Variants in RERG observed in about 807,000 individuals in gnomAD.
RERG encodes the protein ras-related and estrogen-regulated growth inhibitor.
Under a neutral mutation model 23.2 loss-of-function variants are expected in RERG, and 25 were observed. That is an observed-to-expected ratio of 1.08 (90% CI 0.79 to 1.50). The LOEUF is 1.50. RERG is among the 40% of genes most tolerant of loss of function. RERG has a pLI of 0.00. For missense variants in RERG, 253 were observed against 250.1 expected (o/e 1.01, Z -0.08); for synonymous variants, 81 against 89.1 (o/e 0.91, Z 0.51).
intron 2 of RERG, among the ~76,000 whole-genome samples, chr12:15,141,916 A>C (rs1462519099): frequency 6.6e-6 from 1 of 152,196 alleles, no homozygotes; most frequent in Non-Finnish European, 1.5e-5. Context: ...ATATTTCAGC[A>C]TTTTAAAGTG....
intron 2 of RERG, among the ~76,000 whole-genome samples, chr12:15,203,368 T>C (rs987124908): frequency 6.6e-6 from 1 of 151,638 alleles, no homozygotes; most frequent in Non-Finnish European, 1.5e-5. Flanking sequence ...GTGCTTCTGG[T>C]GGCAAATTCA....
intron 2 of RERG, among the ~76,000 whole-genome samples, chr12:15,205,016 TATC>T (rs1305835083): frequency 6.6e-6 from 1 of 152,074 alleles, no homozygotes; most frequent in Non-Finnish European, 1.5e-5. Context: ...TCATGTAAGA[TATC>T]ATCATTGAGG....
At position 15,107,827 on chromosome 12, in the gene RERG, TAA is replaced by T. The variant is rs1215353486; in HGVS notation, c.*1281_*1282del. On this transcript the variant is annotated 3_prime_UTR_variant, in exon 5 of 5. Coordinates refer to ENST00000256953, the MANE Select transcript of RERG (RefSeq NM_032918.3). The stretch of plus-strand genomic sequence containing the variant: ...TGCTTTTTATTATAGTCACATAAAA[TAA>T]AGTCAGTTACATCAAGTTGTCCAAA... The T allele has an allele frequency of 2.5e-4, 38 of 152,676 alleles. No individual in the cohort carries two copies. Among genetic ancestry groups the T allele is most frequent in the African/African-American group, 9.1e-4 (38 of 41,578 alleles). The allele number at this position is 152,676 out of a possible 1,614,324, so 9.5% of individuals were successfully genotyped here. A position where few individuals can be genotyped will look rare whatever the true frequency, so the allele number is the denominator to read the frequency against.
intron 2 of RERG, among the ~76,000 whole-genome samples, chr12:15,190,854 C>A (rs991894180): frequency 2.6e-5 from 4 of 152,082 alleles, no homozygotes; most frequent in Admixed American, 2.6e-4. Flanking sequence ...TCTTGCCAGG[C>A]GACATTCAAG....
intron 2 of RERG, among the ~76,000 whole-genome samples, chr12:15,211,160 C>T (rs546297007): frequency 1.2e-3 from 189 of 152,092 alleles, no homozygotes; most frequent in Non-Finnish European, 2.5e-3. Context: ...GCAAATTTAC[C>T]ACAAAGATTA....
chr12:15,148,994 G>A (rs1019166426), intron 2 of RERG, among the ~76,000 whole-genome samples: 9 of 150,132 alleles, frequency 6.0e-5, no homozygotes, highest in East Asian at 4.0e-4. Flanking sequence ...TCAGCCTCCC[G>A]AGTAGCTGGG....
intron 2 of RERG, among the ~76,000 whole-genome samples, chr12:15,157,040 G>A (rs976209287): frequency 6.6e-6 from 1 of 152,196 alleles, no homozygotes; most frequent in African/African-American, 2.4e-5. Context: ...AAGTCTGTCA[G>A]ACATCTCTAA....
At chr12:15,145,799 G>A (rs144125265) in intron 2 of RERG, among the ~76,000 whole-genome samples, 1 of 152,350 alleles carries the variant, frequency 6.6e-6, no homozygotes, top group East Asian at 1.9e-4. Flanking sequence ...ACAAAAATCT[G>A]AAGTTTTAGG....
chr12:15,183,322 A>G (rs1026137428), intron 2 of RERG, among the ~76,000 whole-genome samples: 7 of 152,164 alleles, frequency 4.6e-5, no homozygotes, highest in Admixed American at 4.6e-4. Context: ...AATAATCTGT[A>G]ATCAAGAAAG....
chr12:15,129,002 G>T (rs972157333), intron 2 of RERG, among the ~76,000 whole-genome samples: 2 of 152,034 alleles, frequency 1.3e-5, no homozygotes, highest in Non-Finnish European at 2.9e-5. Context: ...TTCTGTGACC[G>T]TTCTGGTCTC....
intron 2 of RERG, among the ~76,000 whole-genome samples, chr12:15,191,755 C>T (rs1865074619): frequency 6.6e-6 from 1 of 152,124 alleles, no homozygotes; most frequent in Non-Finnish European, 1.5e-5. Flanking sequence ...CAACTTGGCC[C>T]ATTCCTACTC....
At chr12:15,183,451 T>C (rs946874258) in intron 2 of RERG, among the ~76,000 whole-genome samples, 3 of 152,098 alleles carry the variant, frequency 2.0e-5, no homozygotes, top group African/African-American at 7.2e-5. Context: ...TATATATTAA[T>C]AAAGTATCTC....
At chr12:15,173,303 G>A (rs1864801336) in intron 2 of RERG, among the ~76,000 whole-genome samples, 1 of 151,916 alleles carries the variant, frequency 6.6e-6, no homozygotes, top group Admixed American at 6.6e-5. Context: ...TTTCTGGGCT[G>A]TCAATTCTAT....
At chr12:15,199,078 C>T (rs1472437109) in intron 2 of RERG, among the ~76,000 whole-genome samples, 2 of 152,282 alleles carry the variant, frequency 1.3e-5, no homozygotes, top group East Asian at 3.9e-4. Flanking sequence ...AGATTCACAT[C>T]TGTTTCACAT....
intron 2 of RERG, among the ~76,000 whole-genome samples, chr12:15,135,443 A>G (rs965908207): frequency 6.6e-6 from 1 of 152,182 alleles, no homozygotes; most frequent in African/African-American, 2.4e-5. Flanking sequence ...TATGATGTCA[A>G]AAAGGACTGG....
chr12:15,191,190 T>C (rs1411298836), intron 2 of RERG, among the ~76,000 whole-genome samples: 1 of 152,160 alleles, frequency 6.6e-6, no homozygotes, highest in African/African-American at 2.4e-5. Flanking sequence ...CAGACAATCA[T>C]ATTTCAGTCA....
intron 1 of RERG, chr12:15,218,023 AACAT>A (rs1865465644): frequency 6.5e-6 from 1 of 152,884 alleles, no homozygotes; most frequent in Non-Finnish European, 1.5e-5. Context: ...TGGGTTGAAT[AACAT>A]ACATTCATAT....
At chr12:15,161,142 GAAAGAAAGAAAGAAA>G (rs1864600034) in intron 2 of RERG, among the ~76,000 whole-genome samples, 1 of 49,236 alleles carries the variant, frequency 2.0e-5, no homozygotes, top group African/African-American at 9.5e-5. Flanking sequence ...CTCAGAAAAA[GAAAGAAAGAAAGAAA>G]GAAAGAAAGA....
intron 2 of RERG, among the ~76,000 whole-genome samples, chr12:15,172,524 C>A (rs1273314960): frequency 6.6e-6 from 1 of 152,004 alleles, no homozygotes; most frequent in African/African-American, 2.4e-5. Context: ...CTGGTAACTC[C>A]ATGTTTTACA....
Sources: allele counts gnomAD v4.1 joint callset (sites outside exome capture counted in the v4.1 genomes callset), GRCh38; gene constraint gnomAD v4.1.1; transcripts MANE v1.5; gene names NCBI Gene and HGNC (gene_info 2026-07-23, HGNC 2026-07-21).